The following ADARB2 variants were observed in gnomAD, a reference collection of about 807,000 sequenced individuals.
The protein encoded by ADARB2 is inactive double-stranded RNA-specific editase B2.
A neutral mutation model predicts 62.2 loss-of-function variants in ADARB2; 25 were observed. That is an observed-to-expected ratio of 0.40 (90% CI 0.29 to 0.56). The LOEUF is 0.56. Ranked by LOEUF, ADARB2 falls within the 20% of genes least tolerant of loss-of-function variation. The pLI is 0.43. For synonymous variants in ADARB2, 572 were observed against 500.8 expected, an observed-to-expected ratio of 1.14 and a Z score of -1.90; for missense variants, 1,071 against 1,077.4, an observed-to-expected ratio of 0.99 and a Z score of 0.08.
chr10:1,633,850 C>T (rs916665291), intron 1 of ADARB2, among the ~76,000 whole-genome samples: 1 of 152,176 alleles, frequency 6.6e-6, no homozygotes, highest in South Asian at 2.1e-4. Context: ...ACTCTGACCC[C>T]TCCTCTAGTG....
chr10:1,513,761 A>G (rs1260491898), intron 1 of ADARB2, among the ~76,000 whole-genome samples: 1 of 152,154 alleles, frequency 6.6e-6, no homozygotes, highest in African/African-American at 2.4e-5. Flanking sequence ...GGGCCGGTAG[A>G]GTTGGATCAC....
intron 1 of ADARB2, among the ~76,000 whole-genome samples, chr10:1,712,688 A>G (rs1410456486): frequency 1.5e-5 from 2 of 132,506 alleles, no homozygotes; most frequent in Non-Finnish European, 3.2e-5. Context: ...GGTTCACTGC[A>G]AGCTCTGCCT....
At chr10:1,647,864 G>GTGTA (rs1349370973) in intron 1 of ADARB2, among the ~76,000 whole-genome samples, 4 of 152,022 alleles carry the variant, frequency 2.6e-5, no homozygotes, top group Non-Finnish European at 5.9e-5. Flanking sequence ...GTGTATGTGT[G>GTGTA]TGTATGTGTG....
At chr10:1,416,455 C>A (rs1042019571) in intron 1 of ADARB2, among the ~76,000 whole-genome samples, 1 of 152,216 alleles carries the variant, frequency 6.6e-6, no homozygotes, top group African/African-American at 2.4e-5. Context: ...AAAGTCAGCA[C>A]AGGAGGCCCA....
At chr10:1,376,876 T>TGG (rs373876262) in intron 2 of ADARB2, among the ~76,000 whole-genome samples, 191 of 46,894 alleles carry the variant, frequency 4.1e-3, no homozygotes, top group African/African-American at 0.016. Flanking sequence ...GGGGGGTGGG[T>TGG]GGGGGGGGTT....
At chr10:1,646,291 G>T (rs183857329) in intron 1 of ADARB2, among the ~76,000 whole-genome samples, 1 of 152,228 alleles carries the variant, frequency 6.6e-6, no homozygotes, top group Non-Finnish European at 1.5e-5. Context: ...TTGTCAAGCA[G>T]CAAAATGGCA....
rs377144803 is a variant in ADARB2 at position 1,195,389 on chromosome 10, G to GTTTTTT, written c.1864+4571_1864+4576dup. Among the ~76,000 whole-genome samples the GTTTTTT allele has an allele frequency of 6.2e-3, 640 of 103,658 alleles. 13 individuals carry two copies. The highest frequency in any genetic ancestry group is 9.9e-3 in the Non-Finnish European group (539 of 54,340). The allele number at this position is 103,658 out of a possible 152,430, so 68.0% of individuals were successfully genotyped here. A position where few individuals can be genotyped will look rare whatever the true frequency, so the allele number is the denominator to read the frequency against. On this transcript the variant is annotated intron_variant, in intron 8 of 9. Coordinates refer to ENST00000381312, the MANE Select transcript of ADARB2 (RefSeq NM_018702.4). ...TCAGTATCTGTCAATGCTGTACACA[G>GTTTTTT]TTTTTTTTTTGTTTTTTTTTTTTTT...
intron 1 of ADARB2, among the ~76,000 whole-genome samples, chr10:1,637,201 A>T (rs1833927727): frequency 6.6e-6 from 1 of 152,052 alleles, no homozygotes; most frequent in Non-Finnish European, 1.5e-5. Context: ...TCTAGCTAAC[A>T]TCAGATACTT....
At chr10:1,469,365 T>G (rs1484601245) in intron 1 of ADARB2, among the ~76,000 whole-genome samples, 1 of 152,234 alleles carries the variant, frequency 6.6e-6, no homozygotes, top group Non-Finnish European at 1.5e-5. Context: ...CTCTTCCCTA[T>G]TTGGATTTCT....
At chr10:1,527,033 C>T in intron 1 of ADARB2, 3 of 236,660 alleles carry the variant, frequency 1.3e-5, no homozygotes, top group South Asian at 4.7e-5. Context: ...TGGAAGCTTC[C>T]GCATTTGGGG....
intron 1 of ADARB2, among the ~76,000 whole-genome samples, chr10:1,381,832 C>A (rs2131861353): frequency 6.6e-6 from 1 of 152,288 alleles, no homozygotes; most frequent in African/African-American, 2.4e-5. Context: ...TGCCAGGGTC[C>A]ATGGGGTGAG....
At chr10:1,673,062 G>A (rs1264337153) in intron 1 of ADARB2, among the ~76,000 whole-genome samples, 1 of 152,114 alleles carries the variant, frequency 6.6e-6, no homozygotes, top group African/African-American at 2.4e-5. Context: ...CACAGTTGTC[G>A]GCTGGACCAA....
At chr10:1,270,720 G>A (rs537946672) in intron 4 of ADARB2, among the ~76,000 whole-genome samples, 72 of 152,302 alleles carry the variant, frequency 4.7e-4, no homozygotes, top group African/African-American at 1.6e-3. Flanking sequence ...CCCCAGAGAC[G>A]GGGGATGCCC....
At chr10:1,716,987 T>C (rs1006766110) in intron 1 of ADARB2, among the ~76,000 whole-genome samples, 1 of 152,130 alleles carries the variant, frequency 6.6e-6, no homozygotes, top group Non-Finnish European at 1.5e-5. Context: ...TTAGAGAGCA[T>C]GCTTCATTGC....
chr10:1,635,109 C>A (rs1413299129), intron 1 of ADARB2, among the ~76,000 whole-genome samples: 1 of 152,222 alleles, frequency 6.6e-6, no homozygotes, highest in Non-Finnish European at 1.5e-5. Flanking sequence ...GAGTCTATGG[C>A]ATTTTTACAA....
chr10:1,686,652 G>A (rs146611334), intron 1 of ADARB2, among the ~76,000 whole-genome samples: 100 of 152,260 alleles, frequency 6.6e-4, no homozygotes, highest in African/African-American at 2.4e-3. Flanking sequence ...ACCCTGGCTT[G>A]TCTCTCTCTG....
intron 3 of ADARB2, among the ~76,000 whole-genome samples, chr10:1,277,364 A>C (rs1322007015): frequency 1.3e-5 from 2 of 152,244 alleles, no homozygotes; most frequent in African/African-American, 4.8e-5. Flanking sequence ...CGCTAGCAAG[A>C]CTAATAAAGA....
chr10:1,530,716 C>T (rs1345604453), intron 1 of ADARB2, among the ~76,000 whole-genome samples: 1 of 152,248 alleles, frequency 6.6e-6, no homozygotes, highest in African/African-American at 2.4e-5. Context: ...TCATGGCCCA[C>T]ACTCTCCCTG....
chr10:1,572,839 T>C (rs1360447125), intron 1 of ADARB2, among the ~76,000 whole-genome samples: 2 of 152,228 alleles, frequency 1.3e-5, no homozygotes, highest in Non-Finnish European at 2.9e-5. Flanking sequence ...CTGGTGCTTC[T>C]GGGCCCCCAA....
Sources: gnomAD v4.1 joint callset for allele counts (sites outside exome capture counted in the v4.1 genomes callset) on GRCh38, gnomAD v4.1.1 for gene constraint, MANE v1.5 for transcripts, NCBI Gene and HGNC (gene_info 2026-07-23, HGNC 2026-07-21) for gene names.